The following RUNX1T1 variants were observed in gnomAD, a reference collection of about 807,000 sequenced individuals.
The protein encoded by RUNX1T1 is protein CBFA2T1.
In RUNX1T1, 4 loss-of-function variants were observed where a neutral mutation model predicts 62.8. That is an observed-to-expected ratio of 0.06 (90% CI 0.03 to 0.15). The LOEUF is 0.15. Among genes scored for constraint, RUNX1T1 ranks in the 10% least tolerant of loss-of-function variants. RUNX1T1 has a pLI of 1.00. For missense variants in RUNX1T1, 508 were observed against 754.3 expected (o/e 0.67, Z 3.82); for synonymous variants, 291 against 286.0 (o/e 1.02, Z -0.18).
intron 1 of RUNX1T1, among the ~76,000 whole-genome samples, chr8:92,020,267 A>G (rs1223040667): frequency 6.6e-6 from 1 of 152,186 alleles, no homozygotes; most frequent in South Asian, 2.1e-4. Context: ...GCCCTGTTGC[A>G]TTTGTTTTGG....
chr8:92,026,584 G>A (rs1051048294), intron 1 of RUNX1T1, among the ~76,000 whole-genome samples: 10 of 152,356 alleles, frequency 6.6e-5, no homozygotes, highest in African/African-American at 2.4e-4. Flanking sequence ...TACTTTGGGA[G>A]GCTGAGGCAG....
intron 2 of RUNX1T1, 111 bp downstream of exon 3, chr8:92,017,115 C>A (rs1274712508): frequency 1.2e-6 from 1 of 807,842 alleles, no homozygotes; most frequent in African/African-American, 1.7e-5. Flanking sequence ...TGGTTCATTT[C>A]TGCATAATAC....
intron 4 of RUNX1T1, chr8:92,006,331 C>G (rs1343878082): frequency 6.6e-6 from 1 of 152,096 alleles, no homozygotes. Context: ...GAAGAGTGAA[C>G]AGCACTCATC....
intron 1 of RUNX1T1, among the ~76,000 whole-genome samples, chr8:92,092,948 G>C (rs1049009368): frequency 6.6e-6 from 1 of 152,036 alleles, no homozygotes; most frequent in Non-Finnish European, 1.5e-5. Flanking sequence ...ATTTTTAGTG[G>C]AAGTAGTTCA....
intron 9 of RUNX1T1, among the ~76,000 whole-genome samples, chr8:91,975,315 T>C (rs1421881004): frequency 1.3e-5 from 2 of 152,224 alleles, no homozygotes; most frequent in Non-Finnish European, 1.5e-5. Flanking sequence ...GCAGATAGTG[T>C]ATATGAAAAG....
chr8:92,083,642 CTG>C (rs1313026388), intron 1 of RUNX1T1, among the ~76,000 whole-genome samples: 1 of 152,216 alleles, frequency 6.6e-6, no homozygotes, highest in Non-Finnish European at 1.5e-5. Context: ...TACTTTTACA[CTG>C]TTGGTGGGGG....
chr8:92,067,939 A>G (rs1833114976), upstream of RUNX1T1, among the ~76,000 whole-genome samples: 1 of 152,182 alleles, frequency 6.6e-6, no homozygotes, highest in Admixed American at 6.5e-5. Flanking sequence ...ACTTGCACTG[A>G]TTAAATTTTA....
chr8:92,092,230 A>C (rs956008815), intron 1 of RUNX1T1, among the ~76,000 whole-genome samples: 1 of 152,160 alleles, frequency 6.6e-6, no homozygotes, highest in African/African-American at 2.4e-5. Flanking sequence ...TATTATTTTT[A>C]TTATGATTAT....
chr8:92,033,032 T>A (rs1826554388), intron 1 of RUNX1T1, among the ~76,000 whole-genome samples: 1 of 152,202 alleles, frequency 6.6e-6, no homozygotes, highest in South Asian at 2.1e-4. Flanking sequence ...TATACTTTTC[T>A]AAAATAATAA....
chr8:92,051,081 T>A (rs1381279190), intron 1 of RUNX1T1, among the ~76,000 whole-genome samples: 1 of 152,128 alleles, frequency 6.6e-6, no homozygotes, highest in African/African-American at 2.4e-5. Flanking sequence ...TTATTGTACT[T>A]ATCCCTATCT....
At chr8:91,986,524 G>A (rs1187007084) in intron 7 of RUNX1T1, among the ~76,000 whole-genome samples, 199 bp from the exon 9 acceptor site, 6 of 152,122 alleles carry the variant, frequency 3.9e-5, no homozygotes, top group Non-Finnish European at 8.8e-5. Context: ...GAAGATAAGT[G>A]TTATGAACAC....
intron 5 of RUNX1T1, 41 bp from the exon 7 acceptor site, chr8:91,991,930 C>G: frequency 6.2e-7 from 1 of 1,606,928 alleles, no homozygotes. Context: ...ATCATCTATT[C>G]AGAAACCAGC....
chr8:92,042,244 A>G (rs1354691721), intron 1 of RUNX1T1, among the ~76,000 whole-genome samples: 1 of 152,218 alleles, frequency 6.6e-6, no homozygotes, highest in African/African-American at 2.4e-5. Flanking sequence ...GGTTGTTAAG[A>G]GCATGAGTTT....
intron 1 of RUNX1T1, among the ~76,000 whole-genome samples, chr8:92,085,096 T>G (rs1305377182): frequency 6.6e-6 from 1 of 152,136 alleles, no homozygotes; most frequent in Non-Finnish European, 1.5e-5. Flanking sequence ...CAGATGAAAA[T>G]TATTTCTAGA....
At chr8:91,976,774 A>C (rs935082906) in intron 8 of RUNX1T1, among the ~76,000 whole-genome samples, 11 of 152,258 alleles carry the variant, frequency 7.2e-5, no homozygotes, top group African/African-American at 2.7e-4. Flanking sequence ...AAAAGTAAAC[A>C]AAGTGTATAC....
chr8:92,046,156 T>A (rs907650424), intron 1 of RUNX1T1, among the ~76,000 whole-genome samples: 5 of 152,144 alleles, frequency 3.3e-5, no homozygotes, highest in East Asian at 1.9e-4. Context: ...ATGATTTGTA[T>A]CACACATTTG....
intron 5 of RUNX1T1, among the ~76,000 whole-genome samples, chr8:91,997,694 C>A (rs988307013): frequency 6.6e-6 from 1 of 152,100 alleles, no homozygotes; most frequent in Non-Finnish European, 1.5e-5. Context: ...CCTTCTTGCC[C>A]CAGGATACCT....
chr8:92,051,130 G>T (rs1158428521), intron 1 of RUNX1T1, among the ~76,000 whole-genome samples: 1 of 151,474 alleles, frequency 6.6e-6, no homozygotes, highest in East Asian at 1.9e-4. Flanking sequence ...TTTGTTTACT[G>T]TCTGTCTCCT....
rs566293413 is a variant in RUNX1T1, at chr8:92,008,388, T to TCACACACACACA, written c.477+2602_477+2613dup. ...ACATATCTCTCTCTCTCTCTCTCTCTCACACACACACACACACACACACAC... is the reference window on the plus strand; with the variant it reads ...ACATATCTCTCTCTCTCTCTCTCTCTCACACACACACACACACACACACACACACACACACAC... On this transcript the variant is annotated intron_variant, in intron 4 of 10. Transcript: ENST00000396218. Among the ~76,000 whole-genome samples, 341 of 131,956 alleles carry TCACACACACACA rather than the reference T, an allele frequency of 2.6e-3. 3 individuals are homozygous for TCACACACACACA. The highest frequency in any genetic ancestry group is 0.01 in the East Asian group (45 of 4,492). 86.6% of individuals were successfully genotyped at this position (131,956 alleles called of 152,430 possible). A position where few individuals can be genotyped will look rare whatever the true frequency, so the allele number is the denominator to read the frequency against.
Sources: allele counts gnomAD v4.1 joint callset (sites outside exome capture counted in the v4.1 genomes callset), GRCh38; gene constraint gnomAD v4.1.1; transcripts MANE v1.5; gene names NCBI Gene and HGNC (gene_info 2026-07-23, HGNC 2026-07-21).